Variants in SYNPR observed in about 807,000 individuals in gnomAD.
The protein encoded by SYNPR is synaptoporin.
Under a neutral mutation model 32.9 loss-of-function variants are expected in SYNPR, and 23 were observed. That is an observed-to-expected ratio of 0.70 (90% confidence interval 0.50 to 0.99). The LOEUF is 0.99. Ranked by LOEUF, SYNPR falls within the 50% of genes least tolerant of loss-of-function variation. SYNPR has a pLI of 0.00. For missense variants in SYNPR, 318 were observed against 349.3 expected, an observed-to-expected ratio of 0.91 and a Z score of 0.71; for synonymous variants, 146 against 135.9, an observed-to-expected ratio of 1.07 and a Z score of -0.52.
intron 3 of SYNPR, among the ~76,000 whole-genome samples, chr3:63,516,550 A>T (rs2047971): frequency 0.23 from 35,453 of 152,054 alleles, 4,196 homozygotes; most frequent in East Asian, 0.32. Flanking sequence ...AGACATCGTA[A>T]CCTCTCAACA....
intron 2 of SYNPR, among the ~76,000 whole-genome samples, chr3:63,356,136 A>AT (rs931744554): frequency 1.1e-4 from 16 of 151,882 alleles, no homozygotes; most frequent in Admixed American, 3.9e-4. Flanking sequence ...TATACTTTAA[A>AT]TTTTTTTTCA....
At chr3:63,400,719 C>A (rs2088279560) in intron 2 of SYNPR, among the ~76,000 whole-genome samples, 1 of 152,188 alleles carries the variant, frequency 6.6e-6, no homozygotes. Flanking sequence ...CACTCAAAGA[C>A]AGGAGTGTCA....
chr3:63,480,916 A>T lies in SYNPR; in HGVS notation c.169A>T (p.Ser57Cys), dbSNP rs772997096. Reference sequence around the variant, plus strand: ...TGTGGACTGCGTCAACAAGACAGAAAGTAACCTCAGCATCGACATAGCGTT... The same window carrying T: ...TGTGGACTGCGTCAACAAGACAGAATGTAACCTCAGCATCGACATAGCGTT... ...LSVDCVNKTE[S>C]NLSIDIAFAY... Residue 57 changes from serine (S) to cysteine (C), a missense_variant, in exon 3 of 6, where the codon AGT becomes TGT. Coordinates refer to ENST00000478300, the MANE Select transcript of SYNPR (RefSeq NM_001130003.2). The T allele has an allele frequency of 6.2e-7, 1 of 1,613,564 alleles. No individual in the cohort carries two copies. The highest frequency in any genetic ancestry group is 1.7e-5 in the Admixed American group (1 of 60,002).
chr3:63,538,488 A>G (rs1702245565), intron 3 of SYNPR, among the ~76,000 whole-genome samples: 1 of 152,026 alleles, frequency 6.6e-6, no homozygotes, highest in African/African-American at 2.4e-5. Context: ...TTGCAAAGCC[A>G]CCTTTGCCGT....
chr3:63,391,298 G>C (rs2088134034), intron 2 of SYNPR, among the ~76,000 whole-genome samples: 1 of 152,166 alleles, frequency 6.6e-6, no homozygotes, highest in African/African-American at 2.4e-5. Flanking sequence ...ATGTGTCTCT[G>C]TGACTCTAAG....
rs3082128 is a variant in SYNPR, at chr3:63,335,766, CT to C, written c.84+57048del. On this transcript the variant is annotated intron_variant, in intron 2 of 5. Transcript: ENST00000478300. ...ACACACTCAAGTCCATATTAGCTTC[CT>C]TTTTTTTTTTTTTTTTTTTTTTTGA... Among the ~76,000 whole-genome samples, 805 of 91,258 alleles carry C rather than the reference CT, an allele frequency of 8.8e-3. 1 individual carries two copies. Among genetic ancestry groups the C allele is most frequent in the African/African-American group, 0.025 (510 of 20,378 alleles). 59.9% of individuals were successfully genotyped at this position (91,258 alleles called of 152,430 possible). A position where few individuals can be genotyped will look rare whatever the true frequency, so the allele number is the denominator to read the frequency against.
intron 2 of SYNPR, among the ~76,000 whole-genome samples, chr3:63,479,365 T>A (rs1700996566): frequency 1.3e-5 from 2 of 152,120 alleles, no homozygotes; most frequent in African/African-American, 4.8e-5. Context: ...CTTACTACAA[T>A]CCTTATATCT....
intron 3 of SYNPR, among the ~76,000 whole-genome samples, chr3:63,524,259 A>C (rs947430310): frequency 6.6e-6 from 1 of 152,198 alleles, no homozygotes; most frequent in South Asian, 2.1e-4. Flanking sequence ...ATCATCTCAC[A>C]TTCTACACTT....
At chr3:63,258,637 C>T (rs1306373675) in intron 2 of SYNPR, among the ~76,000 whole-genome samples, 2 of 152,112 alleles carry the variant, frequency 1.3e-5, no homozygotes, top group African/African-American at 2.4e-5. Flanking sequence ...CTAAAATTGA[C>T]ACCCTAACAT....
At chr3:63,327,266 C>G (rs1454122711) in intron 2 of SYNPR, among the ~76,000 whole-genome samples, 1 of 152,066 alleles carries the variant, frequency 6.6e-6, no homozygotes, top group East Asian at 1.9e-4. Flanking sequence ...ACAACTAGAA[C>G]TTTTTTACAC....
In SYNPR at chr3:63,476,347, GAGGGA is replaced by G. The variant is rs1419392276; in HGVS notation, c.85-4471_85-4467del. ...AAGGGAAGGAAGGGAAGGAAGGAAG[GAGGGA>G]AGGGAAGGGAAGGAAGGAAGGAAAG... On this transcript the variant is annotated intron_variant, in intron 2 of 5. Coordinates refer to ENST00000478300, the MANE Select transcript of SYNPR (RefSeq NM_001130003.2). Among the ~76,000 whole-genome samples the G allele has an allele frequency of 6.2e-3, 859 of 138,194 alleles. 32 individuals carry two copies. The highest frequency in any genetic ancestry group is 0.023 in the African/African-American group (809 of 35,626). 90.7% of individuals were successfully genotyped at this position (138,194 alleles called of 152,430 possible).
chr3:63,286,488 A>G (rs1164889359), intron 2 of SYNPR, among the ~76,000 whole-genome samples: 1 of 152,186 alleles, frequency 6.6e-6, no homozygotes, highest in Non-Finnish European at 1.5e-5. Context: ...GTTCCCCCAT[A>G]GAAACTGGGG....
At chr3:63,483,862 C>T (rs936571202) in intron 3 of SYNPR, among the ~76,000 whole-genome samples, 1 of 152,184 alleles carries the variant, frequency 6.6e-6, no homozygotes, top group Admixed American at 6.5e-5. Flanking sequence ...TAAAATGTCA[C>T]AAGCCAATGC....
At chr3:63,223,812 T>G (rs1298701137), upstream of SYNPR, among the ~76,000 whole-genome samples, 1 of 152,206 alleles carries the variant, frequency 6.6e-6, no homozygotes, top group Non-Finnish European at 1.5e-5. Flanking sequence ...TTGTGGTGTT[T>G]TGTGTATACA....
chr3:63,332,369 G>T (rs1039928885), intron 2 of SYNPR, among the ~76,000 whole-genome samples: 1 of 152,146 alleles, frequency 6.6e-6, no homozygotes, highest in African/African-American at 2.4e-5. Flanking sequence ...CAGCTCACTT[G>T]TTTATACTTC....
intron 2 of SYNPR, among the ~76,000 whole-genome samples, chr3:63,442,465 G>C (rs776789805): frequency 1.3e-5 from 2 of 152,140 alleles, no homozygotes; most frequent in Non-Finnish European, 2.9e-5. Context: ...CATTGTCCAC[G>C]ATGCCAGTGT....
At chr3:63,384,762 A>G (rs1339768754) in intron 2 of SYNPR, among the ~76,000 whole-genome samples, 1 of 152,210 alleles carries the variant, frequency 6.6e-6, no homozygotes, top group Non-Finnish European at 1.5e-5. Context: ...TCATCAAAAC[A>G]CCATAGCAAT....
At chr3:63,447,388 A>C (rs1700297601) in intron 2 of SYNPR, among the ~76,000 whole-genome samples, 1 of 152,176 alleles carries the variant, frequency 6.6e-6, no homozygotes, top group Non-Finnish European at 1.5e-5. Flanking sequence ...TTGGCTACAG[A>C]TGTGTGTACT....
intron 2 of SYNPR, among the ~76,000 whole-genome samples, chr3:63,295,928 G>T (rs531084374): frequency 6.6e-6 from 1 of 152,098 alleles, no homozygotes; most frequent in Non-Finnish European, 1.5e-5. Context: ...ATTTGTTTTG[G>T]GAGAGATTCA....
Sources: allele counts gnomAD v4.1 joint callset (sites outside exome capture counted in the v4.1 genomes callset), GRCh38; gene constraint gnomAD v4.1.1; transcripts MANE v1.5; gene names NCBI Gene and HGNC (gene_info 2026-07-23, HGNC 2026-07-21).